The following RBFOX1 variants were observed in gnomAD, a reference collection of about 807,000 sequenced individuals.
RBFOX1 encodes the protein RNA binding protein fox-1 homolog 1.
RBFOX1 carries 8 observed loss-of-function variants against 57.7 expected under a neutral mutation model. The ratio of observed to expected loss-of-function variants is 0.14; its 90% CI spans 0.08 to 0.25. The LOEUF is 0.25. Among genes scored for constraint, RBFOX1 ranks in the 10% least tolerant of loss-of-function variants. The probability of loss-of-function intolerance (pLI) is 1.00; values close to 1 mark genes in which losing one functional copy is unlikely to be tolerated. For synonymous variants in RBFOX1, 326 were observed against 222.4 expected (o/e 1.47, Z -4.15); for missense variants, 611 against 548.5 (o/e 1.11, Z -1.14).
chr16:7,658,591 C>A (rs917814173), intron 12 of RBFOX1, among the ~76,000 whole-genome samples: 1 of 152,134 alleles, frequency 6.6e-6, no homozygotes. Flanking sequence ...GAGACAAACC[C>A]TGTAGACTTA....
At chr16:6,350,738 A>G (rs1422000334) in intron 2 of RBFOX1, among the ~76,000 whole-genome samples, 1 of 152,184 alleles carries the variant, frequency 6.6e-6, no homozygotes, top group East Asian at 1.9e-4. Flanking sequence ...CTCATTAACA[A>G]CACTAGGAGG....
At chr16:7,381,884 T>A (rs137859227) in intron 4 of RBFOX1, among the ~76,000 whole-genome samples, 11 of 152,308 alleles carry the variant, frequency 7.2e-5, no homozygotes, top group African/African-American at 2.6e-4. Context: ...TAGCCTCTCC[T>A]GACTAAATGC....
At chr16:7,217,566 A>C (rs968104840) in intron 4 of RBFOX1, among the ~76,000 whole-genome samples, 10 of 152,042 alleles carry the variant, frequency 6.6e-5, no homozygotes, top group African/African-American at 2.2e-4. Context: ...CTTATCCCTC[A>C]AAAAAGGCAT....
At chr16:7,620,757 G>C (rs2059186997) in intron 10 of RBFOX1, among the ~76,000 whole-genome samples, 1 of 152,320 alleles carries the variant, frequency 6.6e-6, no homozygotes, top group East Asian at 1.9e-4. Flanking sequence ...TGATAAACAG[G>C]TGTAGCTTTG....
At chr16:6,780,518 ATT>A (rs1401659081) in intron 3 of RBFOX1, among the ~76,000 whole-genome samples, 1 of 113,824 alleles carries the variant, frequency 8.8e-6, no homozygotes, top group Non-Finnish European at 1.7e-5. Context: ...TTATATATAC[ATT>A]TATATATATT....
chr16:7,233,486 C>T (rs1443569703), intron 4 of RBFOX1, among the ~76,000 whole-genome samples: 1 of 152,132 alleles, frequency 6.6e-6, no homozygotes, highest in African/African-American at 2.4e-5. Flanking sequence ...AGACAGCAGG[C>T]CGTCGATCAG....
At chr16:6,683,817 A>G (rs1343042239) in intron 3 of RBFOX1, among the ~76,000 whole-genome samples, 1 of 152,190 alleles carries the variant, frequency 6.6e-6, no homozygotes, top group Non-Finnish European at 1.5e-5. Context: ...GTTAACAGGA[A>G]GTTGACTCTT....
rs185547729 is a variant in RBFOX1 at position 6,150,598 on chromosome 16, C to A, written c.-127+130606C>A. 5.6e-4 allele frequency among the ~76,000 whole-genome samples: 85 copies of A among 152,308 alleles called. 3 individuals carry two copies. In the East Asian group the frequency reaches 0.016, roughly 28 times the overall value. On this transcript the variant is annotated intron_variant, in intron 1 of 15. Coordinates refer to ENST00000550418, the MANE Select transcript of RBFOX1 (RefSeq NM_018723.4). ...ACAGAGAGGTGTTATTCCTGTCCCC[C>A]TTTATTTTCTCTGCATATTCTGTTT...
chr16:6,658,241 CA>C (rs894025942), intron 3 of RBFOX1, among the ~76,000 whole-genome samples: 2 of 149,744 alleles, frequency 1.3e-5, no homozygotes, highest in African/African-American at 2.5e-5. Flanking sequence ...AGAGAGCCTT[CA>C]TTTTTTTTTT....
intron 3 of RBFOX1, among the ~76,000 whole-genome samples, chr16:6,782,296 C>T (rs1467903620): frequency 6.6e-6 from 1 of 152,144 alleles, no homozygotes; most frequent in Non-Finnish European, 1.5e-5. Context: ...TTGATACAGG[C>T]ATTTATTGTT....
chr16:7,436,156 T>C (rs532245229), intron 4 of RBFOX1, among the ~76,000 whole-genome samples: 36 of 152,364 alleles, frequency 2.4e-4, no homozygotes, highest in Admixed American at 1.2e-3. Flanking sequence ...AGTTCTCACA[T>C]TCCTCTCTTT....
chr16:6,834,300 T>A (rs1446937753), intron 3 of RBFOX1, among the ~76,000 whole-genome samples: 1 of 151,990 alleles, frequency 6.6e-6, no homozygotes, highest in Non-Finnish European at 1.5e-5. Flanking sequence ...GGTCTCAAAC[T>A]CCCAACCTTA....
chr16:6,896,547 C>G (rs1215874011), intron 3 of RBFOX1, among the ~76,000 whole-genome samples: 2 of 152,124 alleles, frequency 1.3e-5, no homozygotes, highest in Non-Finnish European at 2.9e-5. Flanking sequence ...TGGGTAATTT[C>G]AGTTAACATA....
At chr16:6,104,896 G>A (rs772976842) in intron 1 of RBFOX1, among the ~76,000 whole-genome samples, 4 of 152,150 alleles carry the variant, frequency 2.6e-5, no homozygotes, top group East Asian at 1.9e-4. Flanking sequence ...CAAACCTAAC[G>A]TTGATTTTGA....
At chr16:6,965,562 C>G (rs893568042) in intron 3 of RBFOX1, among the ~76,000 whole-genome samples, 29 of 152,118 alleles carry the variant, frequency 1.9e-4, no homozygotes, top group African/African-American at 7.0e-4. Context: ...GTGTCAAACT[C>G]CGGACCTCAA....
intron 4 of RBFOX1, among the ~76,000 whole-genome samples, chr16:7,107,516 A>T (rs1162279074): frequency 6.6e-6 from 1 of 152,082 alleles, no homozygotes; most frequent in Non-Finnish European, 1.5e-5. Flanking sequence ...TGTAAAGTGT[A>T]CATTTTGATA....
chr16:5,313,746 A>G (rs2064154985), intron 1 of RBFOX1, among the ~76,000 whole-genome samples: 1 of 152,236 alleles, frequency 6.6e-6, no homozygotes, highest in Admixed American at 6.5e-5. Flanking sequence ...CGAGAACAGC[A>G]TGAGAAAGAC....
intron 5 of RBFOX1, 63 bp from the exon 6 acceptor site, chr16:7,579,714 G>C: frequency 6.3e-7 from 1 of 1,594,436 alleles, no homozygotes; most frequent in Non-Finnish European, 8.6e-7. Context: ...GCAAGCAAAA[G>C]AGCATCGGAA....
At chr16:7,014,327 G>C (rs1044918411) in intron 3 of RBFOX1, among the ~76,000 whole-genome samples, 1 of 151,732 alleles carries the variant, frequency 6.6e-6, no homozygotes, top group African/African-American at 2.4e-5. Flanking sequence ...ATCCTCCCAC[G>C]TCAGCCTCCC....
Sources: allele counts gnomAD v4.1 joint callset (sites outside exome capture counted in the v4.1 genomes callset), GRCh38; gene constraint gnomAD v4.1.1; transcripts MANE v1.5; gene names NCBI Gene and HGNC (gene_info 2026-07-23, HGNC 2026-07-21).